The following EXOC6 variants were observed in gnomAD, a reference collection of about 807,000 sequenced individuals.
The protein encoded by EXOC6 is SEC15-like 1.
EXOC6 carries 60 observed loss-of-function variants against 112.5 expected under a neutral mutation model. The observed-to-expected ratio is 0.53, with a 90% CI of 0.43 to 0.66. The LOEUF is 0.66. EXOC6 is among the 30% of genes least tolerant of loss of function. The probability of loss-of-function intolerance (pLI) is 0.00; values close to 1 mark genes in which losing one functional copy is unlikely to be tolerated. For synonymous variants in EXOC6, 295 were observed against 308.0 expected (o/e 0.96, Z 0.44); for missense variants, 855 against 957.1 (o/e 0.89, Z 1.41).
At position 93,025,677 on chromosome 10, in the gene EXOC6, G is replaced by C. The variant is rs1441773254; in HGVS notation, c.2169+11410G>C. ...TGGTCATTCCTTTGAATGATATGTA[G>C]AGAATTTGAAAGGGAATTTTAAATG... On this transcript the variant is annotated intron_variant, in intron 20 of 21. Transcript: ENST00000260762. Among the ~76,000 whole-genome samples the C allele has an allele frequency of 2.6e-5, 4 of 152,272 alleles. No individual in the cohort carries two copies. The East Asian group carries it at 7.7e-4, about 29-fold the overall frequency.
intron 1 of EXOC6, among the ~76,000 whole-genome samples, chr10:92,828,299 T>C (rs1318771127): frequency 1.3e-5 from 2 of 152,212 alleles, no homozygotes; most frequent in South Asian, 2.1e-4. Flanking sequence ...AGGTGGTCAA[T>C]GTTTGGCATT....
At chr10:93,027,020 A>G (rs1845058574) in intron 20 of EXOC6, among the ~76,000 whole-genome samples, 1 of 152,226 alleles carries the variant, frequency 6.6e-6, no homozygotes, top group African/African-American at 2.4e-5. Flanking sequence ...GTGTGAATAC[A>G]AAGAAATAAT....
chr10:92,875,530 A>C (rs1848646556), intron 1 of EXOC6, among the ~76,000 whole-genome samples: 1 of 152,248 alleles, frequency 6.6e-6, no homozygotes, highest in Non-Finnish European at 1.5e-5. Flanking sequence ...TTTCATACAT[A>C]TCTCATGAAT....
chr10:93,043,644 TGTCCTAA>T (rs1444241155), intron 20 of EXOC6, among the ~76,000 whole-genome samples: 1 of 152,202 alleles, frequency 6.6e-6, no homozygotes, highest in Non-Finnish European at 1.5e-5. Flanking sequence ...TGCTTAGAAA[TGTCCTAA>T]TTTCCTGTTT....
chr10:92,979,937 C>G (rs113601384), intron 18 of EXOC6, among the ~76,000 whole-genome samples: 2,781 of 151,246 alleles, frequency 0.018, 90 homozygotes, highest in African/African-American at 0.063. Context: ...CACCTTGCCT[C>G]CAGATTAAAA....
intron 13 of EXOC6, among the ~76,000 whole-genome samples, chr10:92,943,795 C>G (rs1194852335): frequency 6.6e-6 from 1 of 151,852 alleles, no homozygotes; most frequent in Non-Finnish European, 1.5e-5. Flanking sequence ...CCGTAGTCAC[C>G]TTGCTGTGGA....
At chr10:93,039,808 C>T (rs1320761823) in intron 20 of EXOC6, among the ~76,000 whole-genome samples, 1 of 152,130 alleles carries the variant, frequency 6.6e-6, no homozygotes, top group Non-Finnish European at 1.5e-5. Flanking sequence ...ACCTGAAAAC[C>T]CTCATTGCAA....
intron 1 of EXOC6, among the ~76,000 whole-genome samples, chr10:92,849,941 A>G (rs1476557458): frequency 1.3e-5 from 2 of 152,168 alleles, no homozygotes; most frequent in Non-Finnish European, 2.9e-5. Context: ...GGCATGTTAT[A>G]AATTTTTGTC....
At chr10:92,904,490 A>G (rs1240216491) in intron 5 of EXOC6, among the ~76,000 whole-genome samples, 1 of 152,042 alleles carries the variant, frequency 6.6e-6, no homozygotes, top group Non-Finnish European at 1.5e-5. Context: ...GATTTTGCCT[A>G]TTCTAATAGG....
chr10:92,920,997 A>G (rs1334324238), intron 8 of EXOC6, among the ~76,000 whole-genome samples: 2 of 152,160 alleles, frequency 1.3e-5, no homozygotes, highest in Non-Finnish European at 2.9e-5. Flanking sequence ...GTATGTCTCC[A>G]GTAGGTAACA....
At chr10:92,953,209 G>A (rs1333464160) in intron 15 of EXOC6, among the ~76,000 whole-genome samples, 1 of 152,034 alleles carries the variant, frequency 6.6e-6, no homozygotes, top group African/African-American at 2.4e-5. Flanking sequence ...CTCCCAAGTA[G>A]CTGGAACCAC....
chr10:92,862,402 GTAGT>G (rs967204766), intron 1 of EXOC6, among the ~76,000 whole-genome samples: 3 of 152,026 alleles, frequency 2.0e-5, no homozygotes, highest in Non-Finnish European at 4.4e-5. Context: ...CATTTGGGTG[GTAGT>G]TAGGTCATGA....
chr10:92,925,851 A>T (rs1433576725), intron 8 of EXOC6, among the ~76,000 whole-genome samples: 1 of 151,966 alleles, frequency 6.6e-6, no homozygotes, highest in Non-Finnish European at 1.5e-5. Flanking sequence ...TTTTTTAAAG[A>T]GATAGCTTGA....
At chr10:92,865,170 T>G (rs1246960679) in intron 1 of EXOC6, among the ~76,000 whole-genome samples, 1 of 152,108 alleles carries the variant, frequency 6.6e-6, no homozygotes, top group Non-Finnish European at 1.5e-5. Context: ...ACTACTACTT[T>G]AGGATGAAAC....
intron 14 of EXOC6, 115 bp downstream of exon 14, chr10:92,948,494 C>A (rs893883942): frequency 4.9e-6 from 3 of 615,612 alleles, no homozygotes; most frequent in Non-Finnish European, 8.1e-6. Context: ...TCTTGAGGGG[C>A]AACTTTTTGT....
chr10:92,975,758 C>T lies in EXOC6; in HGVS notation c.1953+1526C>T, dbSNP rs549998721. 5.0e-4 allele frequency among the ~76,000 whole-genome samples: 66 copies of T among 130,696 alleles called. 3 individuals are homozygous for T. The highest frequency in any genetic ancestry group is 1.7e-3 in the African/African-American group (60 of 34,562). 85.7% of individuals were successfully genotyped at this position (130,696 alleles called of 152,430 possible). On this transcript the variant is annotated intron_variant, in intron 18 of 21. Transcript: ENST00000260762. ...GAGGGAGGTCGGGGGGCCAGCCCCC[C>T]GCCGGGCCAGCCGCCCCATCCGGGA... is the stretch of plus-strand genomic sequence containing the variant.
chr10:92,873,927 C>G (rs1309329775), intron 1 of EXOC6, among the ~76,000 whole-genome samples: 2 of 151,918 alleles, frequency 1.3e-5, no homozygotes, highest in Non-Finnish European at 2.9e-5. Context: ...TTGGTACATG[C>G]TTGTAATCCC....
intron 20 of EXOC6, among the ~76,000 whole-genome samples, chr10:93,041,745 T>C (rs916021214): frequency 6.6e-6 from 1 of 151,956 alleles, no homozygotes; most frequent in Admixed American, 6.6e-5. Context: ...GGAGTCTTGC[T>C]CTATCTCCCA....
In EXOC6 at chr10:92,984,223, T is replaced by A. The variant is rs532609024; in HGVS notation, c.1953+9991T>A. 2.1e-4 allele frequency among the ~76,000 whole-genome samples: 32 copies of A among 152,368 alleles called. No homozygotes were observed. In the East Asian group the frequency reaches 5.0e-3, roughly 24 times the overall value. On this transcript the variant is annotated intron_variant, in intron 18 of 21. Transcript: ENST00000260762. ...TAGCATCATGGCCAAATAGATTTTT[T>A]AAAATTATACTCCATTATTTAATGA...
Sources: allele counts gnomAD v4.1 joint callset (sites outside exome capture counted in the v4.1 genomes callset), GRCh38; gene constraint gnomAD v4.1.1; transcripts MANE v1.5; gene names NCBI Gene and HGNC (gene_info 2026-07-23, HGNC 2026-07-21).